The following PMVK variants were observed in gnomAD, a reference collection of about 807,000 sequenced individuals.
The protein encoded by PMVK is testis tissue sperm-binding protein Li 95mP.
PMVK carries 10 observed loss-of-function variants against 19.0 expected under a neutral mutation model. That is an observed-to-expected ratio of 0.53 (90% CI 0.32 to 0.89). PMVK has a LOEUF of 0.89. PMVK is among the 40% of genes least tolerant of loss of function. The pLI is 0.03. For missense variants in PMVK, 222 were observed against 251.1 expected (o/e 0.88, Z 0.78); for synonymous variants, 108 against 101.6 (o/e 1.06, Z -0.38).
At chr1:154,931,407 T>C (rs1571381980) in intron 2 of PMVK, among the ~76,000 whole-genome samples, 1 of 152,274 alleles carries the variant, frequency 6.6e-6, no homozygotes, top group East Asian at 1.9e-4. Context: ...ATTCTGAGAG[T>C]TCCTGTTGAC....
chr1:154,928,603 C>T (rs768116422), intron 3 of PMVK, among the ~76,000 whole-genome samples: 4 of 152,102 alleles, frequency 2.6e-5, no homozygotes, highest in Non-Finnish European at 5.9e-5. Flanking sequence ...GAAAACCCGT[C>T]TCTACTAAAA....
chr1:154,931,436 T>G (rs1654332275), intron 2 of PMVK, among the ~76,000 whole-genome samples: 1 of 152,194 alleles, frequency 6.6e-6, no homozygotes, highest in African/African-American at 2.4e-5. Context: ...TTTATTCTAT[T>G]TTAACGATTC....
At chr1:154,937,465 T>A (rs1466746587), upstream of PMVK, 1 of 152,200 alleles carries the variant, frequency 6.6e-6, no homozygotes, top group Admixed American at 6.5e-5. Context: ...GTGGGTGACA[T>A]CAATAGTAAG....
rs780530219 is a variant in PMVK at position 154,936,706 on chromosome 1, T to G, written c.-21A>C. Reference sequence around the variant, plus strand: ...GCCATGGGGCCGCCACGCCTCGCGATGCCTGAAGCTGACACTTCTCCCTAC... The same window carrying G: ...GCCATGGGGCCGCCACGCCTCGCGAGGCCTGAAGCTGACACTTCTCCCTAC... On this transcript the variant is annotated 5_prime_UTR_variant, in exon 1 of 5. Coordinates refer to ENST00000368467, the MANE Select transcript of PMVK (RefSeq NM_006556.4). The G allele has an allele frequency of 1.3e-6, 2 of 1,578,294 alleles. No individual in the cohort carries two copies. Among genetic ancestry groups the G allele is most frequent in the Non-Finnish European group, 1.7e-6 (2 of 1,159,608 alleles).
At chr1:154,925,590 G>A (rs1654127629) in intron 4 of PMVK, among the ~76,000 whole-genome samples, 1 of 152,228 alleles carries the variant, frequency 6.6e-6, no homozygotes, top group African/African-American at 2.4e-5. Flanking sequence ...AGCTGGTTGT[G>A]TCCTTTTCTA....
intron 1 of PMVK, 120 bp from the exon 2 acceptor site, chr1:154,932,535 T>G (rs1654371051): frequency 1.6e-6 from 1 of 624,698 alleles, no homozygotes; most frequent in Non-Finnish European, 2.8e-6. Flanking sequence ...ATTATGTAAC[T>G]TTGGTAGGTC....
At chr1:154,938,988 C>T (rs778146310), upstream of PMVK, among the ~76,000 whole-genome samples, 82 of 152,124 alleles carry the variant, frequency 5.4e-4, no homozygotes, top group Non-Finnish European at 9.6e-4. Flanking sequence ...CCAAAAGTGC[C>T]GGGATTACCA....
At chr1:154,940,094 G>C (rs1483439088), upstream of PMVK, among the ~76,000 whole-genome samples, 3 of 152,116 alleles carry the variant, frequency 2.0e-5, no homozygotes. Context: ...TCCTTTGCTG[G>C]CCTCATGCCA....
intron 1 of PMVK, among the ~76,000 whole-genome samples, chr1:154,935,754 T>C (rs1044639506): frequency 1.6e-4 from 25 of 152,120 alleles, no homozygotes; most frequent in Non-Finnish European, 2.6e-4. Flanking sequence ...TGGAGGACAG[T>C]AGCATGATTA....
intron 1 of PMVK, among the ~76,000 whole-genome samples, chr1:154,934,369 T>G (rs1197568385): frequency 1.3e-5 from 2 of 152,076 alleles, no homozygotes; most frequent in Admixed American, 1.3e-4. Context: ...CAGGCTAGAG[T>G]GCAGTGGTAT....
At chr1:154,925,995 C>T (rs530950274) in intron 4 of PMVK, among the ~76,000 whole-genome samples, 5 of 152,188 alleles carry the variant, frequency 3.3e-5, no homozygotes, top group African/African-American at 1.2e-4. Context: ...AAGCTCCCAG[C>T]AGAACTTCCT....
chr1:154,935,679 TAAC>T, intron 1 of PMVK, among the ~76,000 whole-genome samples: 1 of 152,338 alleles, frequency 6.6e-6, no homozygotes, highest in South Asian at 2.1e-4. Flanking sequence ...TTTTTGTTGT[TAAC>T]TTCGTATGTT....
chr1:154,930,922 C>A (rs774533260), intron 2 of PMVK, among the ~76,000 whole-genome samples: 7 of 151,130 alleles, frequency 4.6e-5, no homozygotes, highest in Non-Finnish European at 1.0e-4. Flanking sequence ...CCCATCTCTA[C>A]AAAAAAAAAT....
intron 3 of PMVK, 81 bp downstream of exon 3, chr1:154,928,943 G>T: frequency 7.3e-7 from 1 of 1,366,928 alleles, no homozygotes. Flanking sequence ...CCAGGATGGT[G>T]GCAGTGGAGA....
At chr1:154,936,850 C>T (rs1571387298), upstream of PMVK, 7 of 625,082 alleles carry the variant, frequency 1.1e-5, no homozygotes, top group East Asian at 1.9e-4. Context: ...CGACCGTGCC[C>T]TCAGCTCATG....
intron 1 of PMVK, among the ~76,000 whole-genome samples, chr1:154,932,700 C>T (rs976786099): frequency 4.6e-5 from 7 of 152,202 alleles, no homozygotes; most frequent in East Asian, 1.9e-4. Context: ...TGTGAACAGG[C>T]GCACAATATT....
intron 1 of PMVK, among the ~76,000 whole-genome samples, chr1:154,933,184 C>G (rs1468611534): frequency 1.3e-5 from 2 of 152,128 alleles, no homozygotes; most frequent in Non-Finnish European, 2.9e-5. Context: ...CCTGTAATCC[C>G]AGTACTTTGG....
At chr1:154,930,881 T>TG in intron 2 of PMVK, among the ~76,000 whole-genome samples, 1 of 152,220 alleles carries the variant, frequency 6.6e-6, no homozygotes, top group East Asian at 1.9e-4. Flanking sequence ...GCCCAGGAGT[T>TG]GGAGACCAGC....
chr1:154,938,579 G>C (rs1388140607), upstream of PMVK, among the ~76,000 whole-genome samples: 1 of 151,868 alleles, frequency 6.6e-6, no homozygotes, highest in Non-Finnish European at 1.5e-5. Flanking sequence ...CTGGACAACA[G>C]AAAAAGACTC....
Sources: allele counts gnomAD v4.1 joint callset (sites outside exome capture counted in the v4.1 genomes callset), GRCh38; gene constraint gnomAD v4.1.1; transcripts MANE v1.5; gene names NCBI Gene and HGNC (gene_info 2026-07-23, HGNC 2026-07-21).